The following TMPRSS7 variants were observed in gnomAD, a reference collection of about 807,000 sequenced individuals.
TMPRSS7 encodes transmembrane serine protease 7.
Under a neutral mutation model 95.6 loss-of-function variants are expected in TMPRSS7, and 81 were observed. The observed-to-expected ratio is 0.85, with a 90% CI of 0.71 to 1.02. The LOEUF (loss-of-function observed/expected upper bound fraction) is 1.02. Ranked by LOEUF, TMPRSS7 falls within the 50% of genes least tolerant of loss-of-function variation. The probability of loss-of-function intolerance (pLI) is 0.00; values close to 1 mark genes in which losing one functional copy is unlikely to be tolerated. For synonymous variants in TMPRSS7, 364 were observed against 337.8 expected (o/e 1.08, Z -0.85); for missense variants, 945 against 955.2 (o/e 0.99, Z 0.14).
At chr3:112,064,845 T>C (rs2073554648) in intron 12 of TMPRSS7, among the ~76,000 whole-genome samples, 1 of 152,146 alleles carries the variant, frequency 6.6e-6, no homozygotes, top group Non-Finnish European at 1.5e-5. Context: ...CAGGGAGCAA[T>C]ATGGGAAGGA....
rs1725753 is a variant in TMPRSS7 at position 112,049,016 on chromosome 3, C to T, written c.960-828C>T. Among the ~76,000 whole-genome samples the T allele has an allele frequency of 3.0e-3, 456 of 152,204 alleles. 2 individuals are homozygous for T. Among genetic ancestry groups the T allele is most frequent in the African/African-American group, 0.01 (433 of 41,510 alleles). On this transcript the variant is annotated intron_variant, in intron 7 of 17. Coordinates refer to ENST00000452346, the Ensembl canonical transcript of TMPRSS7. ...GCCAATTAACACAAACTTCCTAAAG[C>T]TAAACTAAAAGGAAAAGCCCGGTCA... is the stretch of plus-strand genomic sequence containing the variant.
exon 10 of TMPRSS7, chr3:112,057,031 C>T: frequency 2.5e-6 from 4 of 1,602,276 alleles, no homozygotes; most frequent in Non-Finnish European, 3.4e-6. Flanking sequence ...ACAGACTTCT[C>T]TATCAACTCT....
At chr3:112,057,195 C>A in intron 10 of TMPRSS7, 64 bp downstream of exon 10, 1 of 1,201,346 alleles carries the variant, frequency 8.3e-7, no homozygotes, top group Non-Finnish European at 1.2e-6. Context: ...GCTGTGTGTT[C>A]CTTGTCCTCA....
chr3:112,041,769 A>G (rs903589118), intron 2 of TMPRSS7, 151 bp from the exon 3 acceptor site: 2 of 600,628 alleles, frequency 3.3e-6, no homozygotes, highest in African/African-American at 3.7e-5. Context: ...GTTGTTACCT[A>G]CATTTAAAAG....
At chr3:112,075,322 C>T (rs1424940049) in exon 15 of TMPRSS7, 1 of 1,405,944 alleles carries the variant, frequency 7.1e-7, no homozygotes, top group Non-Finnish European at 9.3e-7. Flanking sequence ...CCACCAAAGC[C>T]TGCAGCAGGA....
At chr3:112,050,064 T>A in intron 8 of TMPRSS7, 90 bp downstream of exon 8, 1 of 1,294,862 alleles carries the variant, frequency 7.7e-7, no homozygotes, top group Non-Finnish European at 1.0e-6. Context: ...TGTTGTAATA[T>A]TCATTGTATT....
At chr3:112,049,873 C>T in exon 8 of TMPRSS7, 1 of 1,546,098 alleles carries the variant, frequency 6.5e-7, no homozygotes, top group Non-Finnish European at 8.8e-7. Flanking sequence ...ACATTAATGT[C>T]ATTTGTTTCT....
chr3:112,078,873 T>G, exon 17 of TMPRSS7: 2 of 1,613,692 alleles, frequency 1.2e-6, no homozygotes, highest in Non-Finnish European at 8.5e-7. Flanking sequence ...GAGAGATGCC[T>G]GCAAAGTAAG....
intron 13 of TMPRSS7, among the ~76,000 whole-genome samples, chr3:112,068,257 G>A (rs192290817): frequency 9.8e-5 from 15 of 152,304 alleles, no homozygotes; most frequent in African/African-American, 3.4e-4. Flanking sequence ...ATCAGGTAGC[G>A]TGATGCCCCC....
chr3:112,070,137 T>A (rs1306391629), intron 13 of TMPRSS7, among the ~76,000 whole-genome samples: 1 of 152,256 alleles, frequency 6.6e-6, no homozygotes, highest in Non-Finnish European at 1.5e-5. Flanking sequence ...GTTGTGCAGT[T>A]TTGAATGAGT....
intron 3 of TMPRSS7, among the ~76,000 whole-genome samples, chr3:112,043,926 C>T (rs941707506): frequency 1.3e-5 from 2 of 152,192 alleles, no homozygotes; most frequent in Non-Finnish European, 2.9e-5. Context: ...TGAAAATGTA[C>T]TTAAATGAGT....
At chr3:112,062,010 A>G (rs1365710044) in intron 11 of TMPRSS7, 87 bp downstream of exon 11, 10 of 1,023,112 alleles carry the variant, frequency 9.8e-6, no homozygotes, top group African/African-American at 1.7e-5. Flanking sequence ...AATTTAAGAA[A>G]TGAATACTGC....
intron 2 of TMPRSS7, among the ~76,000 whole-genome samples, chr3:112,040,230 A>C (rs2073192074): frequency 6.6e-6 from 1 of 152,182 alleles, no homozygotes; most frequent in South Asian, 2.1e-4. Context: ...GCTTGGCAGA[A>C]TGTAGGGCAT....
intron 13 of TMPRSS7, among the ~76,000 whole-genome samples, chr3:112,071,798 A>C (rs1424561399): frequency 6.6e-6 from 1 of 152,190 alleles, no homozygotes; most frequent in Non-Finnish European, 1.5e-5. Context: ...CAGCTCCATC[A>C]GGTCATTTAA....
chr3:112,079,480 T>A (rs2073752280), intron 17 of TMPRSS7, among the ~76,000 whole-genome samples: 1 of 152,232 alleles, frequency 6.6e-6, no homozygotes, highest in South Asian at 2.1e-4. Flanking sequence ...CAGCTTTGAA[T>A]GCAGCCCAAC....
chr3:112,041,877 C>T, intron 2 of TMPRSS7, 43 bp from the exon 3 acceptor site: 1 of 1,324,218 alleles, frequency 7.6e-7, no homozygotes, highest in Non-Finnish European at 1.1e-6. Context: ...TACTGCCACA[C>T]AGATGGGAAA....
chr3:112,040,832 G>A (rs2073198868), intron 2 of TMPRSS7, among the ~76,000 whole-genome samples: 1 of 152,162 alleles, frequency 6.6e-6, no homozygotes, highest in South Asian at 2.1e-4. Flanking sequence ...CAGGAAATCT[G>A]GGCATGGAGG....
intron 13 of TMPRSS7, among the ~76,000 whole-genome samples, chr3:112,070,817 G>C (rs1186746075): frequency 1.3e-5 from 2 of 152,314 alleles, no homozygotes; most frequent in Admixed American, 6.5e-5. Context: ...TAGGGTGCGT[G>C]TGCACAACGT....
At chr3:112,042,189 A>G (rs1444743155) in intron 3 of TMPRSS7, 139 bp downstream of exon 3, 1 of 586,570 alleles carries the variant, frequency 1.7e-6, no homozygotes, top group Non-Finnish European at 2.9e-6. Context: ...GGAAGGTGTC[A>G]GAAGAAAACA....
Sources: gnomAD v4.1 joint callset for allele counts (sites outside exome capture counted in the v4.1 genomes callset) on GRCh38, gnomAD v4.1.1 for gene constraint, MANE v1.5 for transcripts, NCBI Gene and HGNC (gene_info 2026-07-23, HGNC 2026-07-21) for gene names.